The following NUPR1 variants were observed in gnomAD, a reference collection of about 807,000 sequenced individuals.
NUPR1 encodes the protein nuclear protein 1.
In NUPR1, 8 loss-of-function variants were observed where a neutral mutation model predicts 7.3. The ratio of observed to expected loss-of-function variants is 1.09; its 90% CI spans 0.64 to 1.97. The LOEUF is 1.97. NUPR1 is among the 30% of genes most tolerant of loss of function. The pLI, the probability that NUPR1 is intolerant of heterozygous loss-of-function variation, is 0.00. For synonymous variants in NUPR1, 39 were observed against 44.5 expected, an observed-to-expected ratio of 0.88 and a Z score of 0.49; for missense variants, 96 against 111.7, an observed-to-expected ratio of 0.86 and a Z score of 0.63.
In NUPR1 at chr16:28,535,979, G is replaced by A. The variant is rs1202904965; in HGVS notation, c.*1704C>T. On this transcript the variant is annotated 3_prime_UTR_variant, in exon 3 of 3. Coordinates refer to ENST00000324873, the MANE Select transcript of NUPR1 (RefSeq NM_012385.3). Reference sequence around the variant, plus strand: ...TCCCTCCTTGGCCTCCCAAAGGCTGGAAGGCTGAGGTGGGCAGATCATTTG... The same window carrying A: ...TCCCTCCTTGGCCTCCCAAAGGCTGAAAGGCTGAGGTGGGCAGATCATTTG... The A allele has an allele frequency of 4.6e-5, 7 of 152,234 alleles. No individual in the cohort carries two copies. Among genetic ancestry groups the A allele is most frequent in the African/African-American group, 1.7e-4 (7 of 41,462 alleles). 9.4% of individuals were successfully genotyped at this position (152,234 alleles called of 1,614,324 possible). A position where few individuals can be genotyped will look rare whatever the true frequency, so the allele number is the denominator to read the frequency against.
rs1567277486 is a variant in NUPR1 at position 28,535,575 on chromosome 16, T to TCCTTC, written c.*2107_*2108insGAAGG. The TCCTTC allele has an allele frequency of 4.8e-5, 2 of 41,358 alleles. No individual in the cohort carries two copies. Among genetic ancestry groups the TCCTTC allele is most frequent in the Admixed American group, 5.9e-4 (2 of 3,370 alleles). 2.6% of individuals were successfully genotyped at this position (41,358 alleles called of 1,614,324 possible). On this transcript the variant is annotated 3_prime_UTR_variant, in exon 3 of 3. Coordinates refer to ENST00000324873, the MANE Select transcript of NUPR1 (RefSeq NM_012385.3). ...TCTTTCTTTCTTTCCTTCCTTCCTT[T>TCCTTC]CTTTCTTTCTTTCTTTCTTTCTTTC...
chr16:28,538,516 C>A, intron 1 of NUPR1: 1 of 579,878 alleles, frequency 1.7e-6, no homozygotes, highest in Non-Finnish European at 3.1e-6. Flanking sequence ...ATAGTGAGAC[C>A]CCATCTCACC....
In NUPR1 at chr16:28,535,783, A is replaced by G. The variant is rs1163389542; in HGVS notation, c.*1900T>C. ...CAGGCTGCAGTGCAGTGGCACCATC[A>G]TGGCTTACTGTAGCCTCCAACTGGG... is the stretch of plus-strand genomic sequence containing the variant. On this transcript the variant is annotated 3_prime_UTR_variant, in exon 3 of 3. Coordinates refer to ENST00000324873, the MANE Select transcript of NUPR1 (RefSeq NM_012385.3). 6.6e-6 allele frequency: 1 copy of G among 150,468 alleles called. No individual in the cohort carries two copies. The highest frequency in any genetic ancestry group is 2.5e-5 in the African/African-American group (1 of 40,806). 9.3% of individuals were successfully genotyped at this position (150,468 alleles called of 1,614,324 possible). A position where few individuals can be genotyped will look rare whatever the true frequency, so the allele number is the denominator to read the frequency against.
At position 28,535,623 on chromosome 16, in the gene NUPR1, C is replaced by CTTTTCTTCTT. The variant is rs58048043; in HGVS notation, c.*2059_*2060insAAGAAGAAAA. On this transcript the variant is annotated 3_prime_UTR_variant, in exon 3 of 3. Coordinates refer to ENST00000324873, the MANE Select transcript of NUPR1 (RefSeq NM_012385.3). Reference sequence around the variant, plus strand: ...TTCTTTCTTTCTTTCTTTCTTTCTTCTCTTTCTCTCTCTTTCTTCTTTTTC... The same window carrying CTTTTCTTCTT: ...TTCTTTCTTTCTTTCTTTCTTTCTTCTTTTCTTCTTTCTTTCTCTCTCTTTCTTCTTTTTC... 1.1e-5 allele frequency: 1 copy of CTTTTCTTCTT among 90,678 alleles called. No individual in the cohort carries two copies. The highest frequency in any genetic ancestry group is 2.1e-5 in the Non-Finnish European group (1 of 48,656). The allele number at this position is 90,678 out of a possible 1,614,324, so 5.6% of individuals were successfully genotyped here.
At position 28,536,998 on chromosome 16, in the gene NUPR1, C is replaced by G. The variant is rs1289230729; in HGVS notation, c.*685G>C. The G allele has an allele frequency of 5.3e-5, 8 of 152,190 alleles. No individual in the cohort carries two copies. The highest frequency in any genetic ancestry group is 5.2e-4 in the Admixed American group (8 of 15,266). 9.4% of individuals were successfully genotyped at this position (152,190 alleles called of 1,614,324 possible). On this transcript the variant is annotated 3_prime_UTR_variant, in exon 3 of 3. Transcript: ENST00000324873. The stretch of plus-strand genomic sequence containing the variant: ...TATTTTAAATCTCAGTTTTCTCTGA[C>G]TTTTAGATGGCACTCATAAGTAGCG...
In NUPR1 at chr16:28,537,991, C is replaced by G. The variant is rs998673720; in HGVS notation, c.*13+15G>C. On this transcript the variant is annotated intron_variant, in intron 2 of 2. Transcript: ENST00000324873. Reference sequence around the variant, plus strand: ...AAGCACCACCTTGAGCTCTCTGGGCCCCCCGACTCCTTACCTCCAGCTCTG... The same window carrying G: ...AAGCACCACCTTGAGCTCTCTGGGCGCCCCGACTCCTTACCTCCAGCTCTG... 6.3e-7 allele frequency: 1 copy of G among 1,596,822 alleles called. No homozygotes were observed. Among genetic ancestry groups the G allele is most frequent in the Non-Finnish European group, 8.6e-7 (1 of 1,169,574 alleles).
Position 28,537,630 on chromosome 16 carries a change from G to A in NUPR1, c.*53C>T, listed in dbSNP as rs1055858211. On this transcript the variant is annotated 3_prime_UTR_variant, in exon 3 of 3. Transcript: ENST00000324873. The stretch of plus-strand genomic sequence containing the variant: ...TGGGTCCTCCTTCCTCCGCAGTCCC[G>A]TCTCTATTGCTGGGTGTAGTGTCCA... 3 of 170,508 alleles carry A rather than the reference G, an allele frequency of 1.8e-5. No individual in the cohort carries two copies. The highest frequency in any genetic ancestry group is 3.8e-5 in the Non-Finnish European group (3 of 79,532). 10.6% of individuals were successfully genotyped at this position (170,508 alleles called of 1,614,324 possible).
In NUPR1 at chr16:28,536,453, GC is replaced by G. The variant is rs1390450330; in HGVS notation, c.*1229del. On this transcript the variant is annotated 3_prime_UTR_variant, in exon 3 of 3. Coordinates refer to ENST00000324873, the MANE Select transcript of NUPR1 (RefSeq NM_012385.3). ...CACGAGAATTGCTTGAACCCGGGAG[GC>G]AGAGGTTGCAGTGAGCCAAGATGGT... 6.6e-6 allele frequency: 1 copy of G among 152,168 alleles called. No individual in the cohort carries two copies. The highest frequency in any genetic ancestry group is 1.5e-5 in the Non-Finnish European group (1 of 68,144). The allele number at this position is 152,168 out of a possible 1,614,324, so 9.4% of individuals were successfully genotyped here. A position where few individuals can be genotyped will look rare whatever the true frequency, so the allele number is the denominator to read the frequency against.
rs751589094 is a variant in NUPR1, at chr16:28,538,812, C to T, written c.96G>A (p.Leu32=). Residue 32 remains leucine, a synonymous_variant, in exon 1 of 3, where the codon CTG becomes CTA. Coordinates refer to ENST00000324873, the MANE Select transcript of NUPR1 (RefSeq NM_012385.3). ...SSLDESDLYS[L]AHSYLGGGGR... ...GGGCCTTACCGAGGTAGGAATGGGC[C>T]AGGCTATAGAGGTCAGATTCATCCA... 8.1e-6 allele frequency: 13 copies of T among 1,608,660 alleles called. No homozygotes were observed. The highest frequency in any genetic ancestry group is 1.7e-5 in the Admixed American group (1 of 58,928).
Position 28,536,767 on chromosome 16 carries a change from A to G in NUPR1, c.*916T>C, listed in dbSNP as rs2046626774. 6.6e-6 allele frequency: 1 copy of G among 152,028 alleles called. No individual in the cohort carries two copies. The highest frequency in any genetic ancestry group is 2.4e-5 in the African/African-American group (1 of 41,386). The allele number at this position is 152,028 out of a possible 1,614,324, so 9.4% of individuals were successfully genotyped here. A position where few individuals can be genotyped will look rare whatever the true frequency, so the allele number is the denominator to read the frequency against. ...AACCTCTACCTCCTGGGTTCAAGCG[A>G]TTCTACTGCCTCAGCCTCCTGAGCA... is the stretch of plus-strand genomic sequence containing the variant. On this transcript the variant is annotated 3_prime_UTR_variant, in exon 3 of 3. Transcript: ENST00000324873.
chr16:28,537,804 A>G (rs556006778), intron 2 of NUPR1, 135 bp from the exon 3 acceptor site: 2 of 539,506 alleles, frequency 3.7e-6, no homozygotes, highest in South Asian at 2.7e-5. Context: ...CTGTAAGTCA[A>G]ATTTCCCTTC....
rs2046591043 is a variant in NUPR1 at position 28,532,898 on chromosome 16, A to G, written c.*4785T>C. The stretch of plus-strand genomic sequence containing the variant: ...ACCTCAGTTTTCCGGTCTGAAAAAA[A>G]GGGGATCATTAATAGTATGTCCTAT... On this transcript the variant is annotated 3_prime_UTR_variant, in exon 3 of 3. Coordinates refer to ENST00000324873, the MANE Select transcript of NUPR1 (RefSeq NM_012385.3). 1 of 152,194 alleles carries G rather than the reference A, an allele frequency of 6.6e-6. No homozygotes were observed. Among genetic ancestry groups the G allele is most frequent in the African/African-American group, 2.4e-5 (1 of 41,454 alleles). The allele number at this position is 152,194 out of a possible 1,614,324, so 9.4% of individuals were successfully genotyped here.
rs2046602983 is a variant in NUPR1, at chr16:28,535,303, TTCTCTCTTTCTTTC to T, written c.*2366_*2379del. On this transcript the variant is annotated 3_prime_UTR_variant, in exon 3 of 3. Transcript: ENST00000324873. ...CTTTCCTTCCTCTTTCTTTCCCTCC[TTCTCTCTTTCTTTC>T]TCTCTCTTTTTCTTTTTTTGAGATG... 6.6e-6 allele frequency: 1 copy of T among 151,868 alleles called. No individual in the cohort carries two copies. The highest frequency in any genetic ancestry group is 2.4e-5 in the African/African-American group (1 of 41,336). 9.4% of individuals were successfully genotyped at this position (151,868 alleles called of 1,614,324 possible). A position where few individuals can be genotyped will look rare whatever the true frequency, so the allele number is the denominator to read the frequency against.
rs1244240251 is a variant in NUPR1 at position 28,535,575 on chromosome 16, T to TTTCTTC, written c.*2107_*2108insGAAGAA. On this transcript the variant is annotated 3_prime_UTR_variant, in exon 3 of 3. Transcript: ENST00000324873. Reference sequence around the variant, plus strand: ...TCTTTCTTTCTTTCCTTCCTTCCTTTCTTTCTTTCTTTCTTTCTTTCTTTC... The same window carrying TTTCTTC: ...TCTTTCTTTCTTTCCTTCCTTCCTTTTTCTTCCTTTCTTTCTTTCTTTCTTTCTTTC... 1 of 41,358 alleles carries TTTCTTC rather than the reference T, an allele frequency of 2.4e-5. No individual in the cohort carries two copies. The highest frequency in any genetic ancestry group is 4.4e-5 in the Non-Finnish European group (1 of 22,668). The allele number at this position is 41,358 out of a possible 1,614,324, so 2.6% of individuals were successfully genotyped here.
chr16:28,538,706 G>A, intron 1 of NUPR1, 90 bp downstream of exon 1: 1 of 1,026,796 alleles, frequency 9.7e-7, no homozygotes. Flanking sequence ...AAACGAAGAG[G>A]AAAGGAAAGG....
rs1491299508 is a variant in NUPR1, at chr16:28,535,587, T to TC, written c.*2095dup. ...TCCTTCCTTCCTTTCTTTCTTTCTTTCTTTCTTTCTTTCTTTCTTTCTTTC... is the reference window on the plus strand; with the variant it reads ...TCCTTCCTTCCTTTCTTTCTTTCTTTCCTTTCTTTCTTTCTTTCTTTCTTTC... On this transcript the variant is annotated 3_prime_UTR_variant, in exon 3 of 3. Coordinates refer to ENST00000324873, the MANE Select transcript of NUPR1 (RefSeq NM_012385.3). 6.1e-3 allele frequency: 273 copies of TC among 44,522 alleles called. 2 individuals are homozygous for TC. Among genetic ancestry groups the TC allele is most frequent in the African/African-American group, 0.027 (219 of 8,258 alleles). 2.8% of individuals were successfully genotyped at this position (44,522 alleles called of 1,614,324 possible). A position where few individuals can be genotyped will look rare whatever the true frequency, so the allele number is the denominator to read the frequency against.
Position 28,537,248 on chromosome 16 carries a change from C to G in NUPR1, c.*435G>C, listed in dbSNP as rs1223251511. The G allele has an allele frequency of 6.6e-6, 1 of 152,256 alleles. No homozygotes were observed. The highest frequency in any genetic ancestry group is 1.5e-5 in the Non-Finnish European group (1 of 68,066). 9.4% of individuals were successfully genotyped at this position (152,256 alleles called of 1,614,324 possible). ...ACACTCCCTGCCCCAGATACATACA[C>G]CAAACACAAATACACATCAAAGATG... On this transcript the variant is annotated 3_prime_UTR_variant, in exon 3 of 3. Transcript: ENST00000324873.
In NUPR1 at chr16:28,535,619, TC is replaced by T. The variant is rs1489729852; in HGVS notation, c.*2063del. The T allele has an allele frequency of 8.5e-4, 8 of 9,390 alleles. No homozygotes were observed. Among genetic ancestry groups the T allele is most frequent in the African/African-American group, 1.2e-3 (8 of 6,770 alleles). The allele number at this position is 9,390 out of a possible 1,614,324, so 0.6% of individuals were successfully genotyped here. A position where few individuals can be genotyped will look rare whatever the true frequency, so the allele number is the denominator to read the frequency against. On this transcript the variant is annotated 3_prime_UTR_variant, in exon 3 of 3. Coordinates refer to ENST00000324873, the MANE Select transcript of NUPR1 (RefSeq NM_012385.3). Reference sequence around the variant, plus strand: ...TTCTTTCTTTCTTTCTTTCTTTCTTTCTTCTCTTTCTCTCTCTTTCTTCTTT... The same window carrying T: ...TTCTTTCTTTCTTTCTTTCTTTCTTTTTCTCTTTCTCTCTCTTTCTTCTTT...
chr16:28,538,737 G>T, intron 1 of NUPR1, 59 bp downstream of exon 1: 2 of 1,241,700 alleles, frequency 1.6e-6, no homozygotes, highest in Non-Finnish European at 2.4e-6. Flanking sequence ...AAACAAGAGG[G>T]GTGGGTCCTG....
Sources: gnomAD v4.1 joint callset for allele counts on GRCh38, gnomAD v4.1.1 for gene constraint, MANE v1.5 for transcripts, NCBI Gene and HGNC (gene_info 2026-07-23, HGNC 2026-07-21) for gene names.